The following DGKH variants were observed in gnomAD, a reference collection of about 807,000 sequenced individuals.
The protein encoded by DGKH is diacylglycerol kinase eta.
In DGKH, 90 loss-of-function variants were observed where a neutral mutation model predicts 159.3. The ratio of observed to expected loss-of-function variants is 0.57; its 90% confidence interval spans 0.48 to 0.67. The LOEUF is 0.67. Among genes scored for constraint, DGKH ranks in the 30% least tolerant of loss-of-function variants. The pLI is 0.00. For synonymous variants in DGKH, 536 were observed against 553.8 expected, an observed-to-expected ratio of 0.97 and a Z score of 0.45; for missense variants, 1,181 against 1,506.1, an observed-to-expected ratio of 0.78 and a Z score of 3.57.
At chr13:42,054,944 A>G (rs1004425638) in intron 1 of DGKH, among the ~76,000 whole-genome samples, 1 of 152,242 alleles carries the variant, frequency 6.6e-6, no homozygotes, top group South Asian at 2.1e-4. Flanking sequence ...GCCATAGACA[A>G]TACTTTAAGT....
At chr13:42,155,207 G>T in intron 3 of DGKH, 84 bp from the exon 4 acceptor site, 1 of 994,108 alleles carries the variant, frequency 1.0e-6, no homozygotes, top group Non-Finnish European at 1.5e-6. Context: ...AGTTAGAAAT[G>T]GAATTACCTC....
intron 7 of DGKH, among the ~76,000 whole-genome samples, chr13:42,163,019 A>T (rs1447293245): frequency 2.6e-5 from 1 of 38,404 alleles, no homozygotes; most frequent in Non-Finnish European, 5.2e-5. Context: ...CCCCTCCCCC[A>T]ACCCCACAAC....
intron 3 of DGKH, among the ~76,000 whole-genome samples, chr13:42,152,741 T>C (rs925660721): frequency 1.3e-5 from 2 of 151,900 alleles, no homozygotes; most frequent in African/African-American, 4.8e-5. Context: ...GTTAGAACCA[T>C]GATTCTGAAA....
chr13:42,168,388 G>C lies in DGKH; in HGVS notation c.1119-52G>C, dbSNP rs564549830. The C allele has an allele frequency of 1.0e-4, 154 of 1,471,316 alleles. 2 individuals are homozygous for C. In the East Asian group the frequency reaches 3.6e-3, roughly 34 times the overall value. The allele number at this position is 1,471,316 out of a possible 1,614,324, so 91.1% of individuals were successfully genotyped here. A position where few individuals can be genotyped will look rare whatever the true frequency, so the allele number is the denominator to read the frequency against. On this transcript the variant is annotated intron_variant, in intron 9 of 29. Transcript: ENST00000337343. The stretch of plus-strand genomic sequence containing the variant: ...CTGATACAGAATAACAAAGAATTGA[G>C]GAAAGTGATTTTTATTTCTTTATAC...
chr13:42,114,623 A>G (rs1468301210), intron 1 of DGKH, among the ~76,000 whole-genome samples: 1 of 152,168 alleles, frequency 6.6e-6, no homozygotes, highest in East Asian at 1.9e-4. Context: ...ATCATTTCCT[A>G]ATTTTCACTG....
intron 13 of DGKH, among the ~76,000 whole-genome samples, chr13:42,183,954 G>T (rs903985055): frequency 1.3e-5 from 2 of 152,122 alleles, no homozygotes; most frequent in South Asian, 2.1e-4. Flanking sequence ...AATGCATTTT[G>T]TTCTGTGTAC....
intron 7 of DGKH, among the ~76,000 whole-genome samples, chr13:42,161,272 CCTG>C (rs1470752707): frequency 1.3e-5 from 2 of 152,192 alleles, no homozygotes; most frequent in African/African-American, 4.8e-5. Flanking sequence ...AACAAATTTT[CCTG>C]CTATTTTTAT....
chr13:42,064,246 G>A (rs1197447570), intron 1 of DGKH, among the ~76,000 whole-genome samples: 1 of 152,148 alleles, frequency 6.6e-6, no homozygotes, highest in Non-Finnish European at 1.5e-5. Context: ...AAGATGGAGA[G>A]GGTATGGAGG....
In DGKH at chr13:42,241,838, T is replaced by C. The variant is rs1465307229; in HGVS notation, c.*12650T>C. On this transcript the variant is annotated 3_prime_UTR_variant, in exon 30 of 30. Transcript: ENST00000337343. ...CACTAATACATAGGTGAAACAAAAATATTTTTAGTTCTAAAAAATTCTCTA... is the reference window on the plus strand; with the variant it reads ...CACTAATACATAGGTGAAACAAAAACATTTTTAGTTCTAAAAAATTCTCTA... 6.6e-6 allele frequency: 1 copy of C among 152,194 alleles called. No homozygotes were observed. Among genetic ancestry groups the C allele is most frequent in the African/African-American group, 2.4e-5 (1 of 41,452 alleles). 9.4% of individuals were successfully genotyped at this position (152,194 alleles called of 1,614,324 possible).
intron 3 of DGKH, among the ~76,000 whole-genome samples, chr13:42,141,654 T>A (rs1406249139): frequency 5.9e-5 from 9 of 152,344 alleles, no homozygotes; most frequent in African/African-American, 1.9e-4. Context: ...TGGCCAGTAT[T>A]GATGAGCATT....
chr13:42,090,960 C>T (rs1449198194), intron 1 of DGKH, among the ~76,000 whole-genome samples: 1 of 152,116 alleles, frequency 6.6e-6, no homozygotes. Flanking sequence ...AAGGAGCCAC[C>T]TTGGAAGCAG....
At chr13:42,200,360 T>C (rs974508326) in intron 20 of DGKH, among the ~76,000 whole-genome samples, 3 of 152,218 alleles carry the variant, frequency 2.0e-5, no homozygotes, top group Non-Finnish European at 2.9e-5. Flanking sequence ...TTAAAAGAGA[T>C]TTTGAGCATT....
At chr13:42,248,861 G>A (rs1238977738) in intron 29 of DGKH, among the ~76,000 whole-genome samples, 1 of 151,794 alleles carries the variant, frequency 6.6e-6, no homozygotes, top group Non-Finnish European at 1.5e-5. Flanking sequence ...ATCCCATCTA[G>A]GTTTGTGTCA....
chr13:42,152,788 G>A (rs1955942437), intron 3 of DGKH, among the ~76,000 whole-genome samples: 2 of 151,986 alleles, frequency 1.3e-5, no homozygotes, highest in African/African-American at 2.4e-5. Flanking sequence ...ACAGTTCCCT[G>A]GACTCCTCCG....
At chr13:42,171,990 C>T (rs140810605) in intron 11 of DGKH, among the ~76,000 whole-genome samples, 13,011 of 151,898 alleles carry the variant, frequency 0.086, 813 homozygotes, top group Non-Finnish European at 0.14. Context: ...CCACCACGCC[C>T]GGCTAATTTT....
intron 3 of DGKH, among the ~76,000 whole-genome samples, chr13:42,137,456 A>G (rs1384473507): frequency 6.6e-6 from 1 of 152,246 alleles, no homozygotes; most frequent in African/African-American, 2.4e-5. Context: ...TGAAACAGAG[A>G]GGCTAACATC....
chr13:42,204,363 A>G (rs1221319393), intron 20 of DGKH, among the ~76,000 whole-genome samples: 1 of 152,224 alleles, frequency 6.6e-6, no homozygotes, highest in Non-Finnish European at 1.5e-5. Context: ...CCCCAGGTGC[A>G]TGGACCTTTG....
In DGKH at chr13:42,229,199, G is replaced by T. The variant is rs780840120; in HGVS notation, c.*11G>T. 5.6e-6 allele frequency: 9 copies of T among 1,604,238 alleles called. No individual in the cohort carries two copies. The Admixed American group carries it at 7.0e-5, about 12-fold the overall frequency. ...CAGTCGGAGGTGTAATCATATTGGT[G>T]CTATTTCTTGGAAGAGAAGTTATTG... is the stretch of plus-strand genomic sequence containing the variant. On this transcript the variant is annotated 3_prime_UTR_variant, in exon 30 of 30. Transcript: ENST00000337343.
intron 24 of DGKH, among the ~76,000 whole-genome samples, chr13:42,211,354 T>C (rs925979440): frequency 1.3e-5 from 2 of 152,156 alleles, no homozygotes; most frequent in Non-Finnish European, 2.9e-5. Context: ...TATTAGTCCA[T>C]TTTCATATGG....
Sources: allele counts gnomAD v4.1 joint callset (sites outside exome capture counted in the v4.1 genomes callset), GRCh38; gene constraint gnomAD v4.1.1; transcripts MANE v1.5; gene names NCBI Gene and HGNC (gene_info 2026-07-23, HGNC 2026-07-21).